The following ANO3 variants were observed in gnomAD, a reference collection of about 807,000 sequenced individuals.
The protein encoded by ANO3 is anoctamin-3.
In ANO3, 99 loss-of-function variants were observed where a neutral mutation model predicts 144.8. The observed-to-expected ratio is 0.68, with a 90% CI of 0.58 to 0.81. The LOEUF is 0.81. ANO3 is among the 30% of genes least tolerant of loss of function. The probability of loss-of-function intolerance (pLI) is 0.00; values close to 1 mark genes in which losing one functional copy is unlikely to be tolerated. For synonymous variants in ANO3, 414 were observed against 392.6 expected, an observed-to-expected ratio of 1.05 and a Z score of -0.64; for missense variants, 905 against 1,202.2, an observed-to-expected ratio of 0.75 and a Z score of 3.66.
intron 1 of ANO3, among the ~76,000 whole-genome samples, chr11:26,409,992 T>G (rs191014913): frequency 2.4e-4 from 36 of 152,092 alleles, no homozygotes; most frequent in Non-Finnish European, 8.8e-5. Context: ...CAGAATTATT[T>G]TTCTCCACCC....
At chr11:26,565,463 C>T (rs1481227146) in intron 14 of ANO3, 2 of 1,613,152 alleles carry the variant, frequency 1.2e-6, no homozygotes, top group African/African-American at 2.7e-5. Flanking sequence ...CTGAGATGGG[C>T]AAAAGATCTT....
chr11:26,452,604 T>C (rs901169444), intron 3 of ANO3, among the ~76,000 whole-genome samples: 1 of 152,178 alleles, frequency 6.6e-6, no homozygotes, highest in Non-Finnish European at 1.5e-5. Context: ...CTACATCTGA[T>C]TGGTATACCT....
At chr11:26,197,703 G>A (rs768870579) in intron 1 of ANO3, among the ~76,000 whole-genome samples, 4 of 151,962 alleles carry the variant, frequency 2.6e-5, no homozygotes, top group South Asian at 2.1e-4. Flanking sequence ...CTTTAGAAAC[G>A]TCTCTTCCAG....
intron 1 of ANO3, among the ~76,000 whole-genome samples, chr11:26,257,135 G>A (rs1262110837): frequency 1.3e-5 from 2 of 151,954 alleles, no homozygotes; most frequent in African/African-American, 4.8e-5. Flanking sequence ...ATTAATATTT[G>A]TTGACTAAAC....
At chr11:26,641,735 G>GT (rs1853158731) in intron 21 of ANO3, among the ~76,000 whole-genome samples, 161 bp from the exon 22 acceptor site, 1 of 151,992 alleles carries the variant, frequency 6.6e-6, no homozygotes, top group African/African-American at 2.4e-5. Context: ...CTTTCAAAAT[G>GT]TTTTTTTAAC....
chr11:26,322,581 C>G (rs1353421694), intron 1 of ANO3, among the ~76,000 whole-genome samples: 1 of 151,996 alleles, frequency 6.6e-6, no homozygotes, highest in African/African-American at 2.4e-5. Flanking sequence ...ATAGCATACT[C>G]CTCTAATAGT....
At chr11:26,388,840 A>G (rs758043943) in intron 1 of ANO3, among the ~76,000 whole-genome samples, 28 of 152,274 alleles carry the variant, frequency 1.8e-4, no homozygotes, top group Non-Finnish European at 2.6e-4. Flanking sequence ...TTAGCTGTGT[A>G]TACACACACG....
chr11:26,333,430 C>T (rs529385742), intron 1 of ANO3, among the ~76,000 whole-genome samples: 19 of 151,870 alleles, frequency 1.3e-4, no homozygotes, highest in African/African-American at 3.1e-4. Context: ...TACAGGCGCC[C>T]GCCACCAAGC....
chr11:26,198,748 G>C (rs190516671), intron 1 of ANO3, among the ~76,000 whole-genome samples: 25 of 152,208 alleles, frequency 1.6e-4, no homozygotes, highest in African/African-American at 5.8e-4. Context: ...GGAAGTTGTT[G>C]ACATAGTTTA....
intron 1 of ANO3, among the ~76,000 whole-genome samples, chr11:26,374,738 ACTTT>A (rs1373469746): frequency 6.6e-6 from 1 of 151,996 alleles, no homozygotes; most frequent in Non-Finnish European, 1.5e-5. Context: ...TTTATTGTGC[ACTTT>A]CTTTTTGTTT....
intron 1 of ANO3, chr11:26,189,413 T>A (rs1327797541): frequency 2.5e-6 from 2 of 810,312 alleles, no homozygotes; most frequent in East Asian, 1.3e-4. Flanking sequence ...AATAAATAAA[T>A]GTTGATGTCA....
intron 1 of ANO3, among the ~76,000 whole-genome samples, chr11:26,405,998 C>T (rs1857267784): frequency 6.6e-6 from 1 of 151,862 alleles, no homozygotes; most frequent in Non-Finnish European, 1.5e-5. Context: ...GGCACAATCA[C>T]TGAAGTGGAT....
In ANO3 at chr11:26,517,075, T is replaced by C. The variant is rs527286850; in HGVS notation, c.692+148T>C. 546 of 469,206 alleles carry C rather than the reference T, an allele frequency of 1.2e-3. 1 individual carries two copies. Among genetic ancestry groups the C allele is most frequent in the African/African-American group, 9.9e-3 (488 of 49,402 alleles). 29.1% of individuals were successfully genotyped at this position (469,206 alleles called of 1,614,324 possible). On this transcript the variant is annotated intron_variant, in intron 6 of 26. Coordinates refer to ENST00000256737, the MANE Select transcript of ANO3 (RefSeq NM_031418.4). Reference sequence around the variant, plus strand: ...AGTTATTCTGGACAGTTTTTTTTTCTTCCTAATTTGTTTGCCTAATTTGGT... The same window carrying C: ...AGTTATTCTGGACAGTTTTTTTTTCCTCCTAATTTGTTTGCCTAATTTGGT...
intron 14 of ANO3, among the ~76,000 whole-genome samples, chr11:26,578,742 C>A (rs376874859): frequency 3.9e-5 from 6 of 152,116 alleles, no homozygotes; most frequent in East Asian, 3.9e-4. Context: ...GGATAGAGGC[C>A]TATTGCTAAA....
At chr11:26,414,715 A>G (rs529781002) in intron 1 of ANO3, among the ~76,000 whole-genome samples, 3 of 151,212 alleles carry the variant, frequency 2.0e-5, no homozygotes, top group Admixed American at 2.0e-4. Flanking sequence ...TATGTAAGAA[A>G]CCTGCATGTT....
intron 18 of ANO3, among the ~76,000 whole-genome samples, chr11:26,626,238 T>C (rs1852580291): frequency 6.7e-6 from 1 of 148,692 alleles, no homozygotes; most frequent in South Asian, 2.3e-4. Flanking sequence ...GTGCATCCCA[T>C]CAATATTGAT....
chr11:26,504,328 G>A (rs1248208982), intron 4 of ANO3, among the ~76,000 whole-genome samples: 5 of 152,030 alleles, frequency 3.3e-5, no homozygotes, highest in South Asian at 2.1e-4. Context: ...AGAACTATGC[G>A]TATTCTCTTC....
intron 1 of ANO3, among the ~76,000 whole-genome samples, chr11:26,279,036 A>C (rs1033145386): frequency 6.6e-6 from 1 of 152,180 alleles, no homozygotes; most frequent in African/African-American, 2.4e-5. Context: ...CAGTGTCCTG[A>C]AAAGAGGCAA....
intron 17 of ANO3, among the ~76,000 whole-genome samples, chr11:26,623,415 C>G (rs546821279): frequency 2.0e-5 from 3 of 152,304 alleles, no homozygotes; most frequent in South Asian, 2.1e-4. Flanking sequence ...CATATACCCA[C>G]AAGTACTTCT....
Sources: gnomAD v4.1 joint callset for allele counts (sites outside exome capture counted in the v4.1 genomes callset) on GRCh38, gnomAD v4.1.1 for gene constraint, MANE v1.5 for transcripts, NCBI Gene and HGNC (gene_info 2026-07-23, HGNC 2026-07-21) for gene names.